Variants in GTF3C1 observed in about 807,000 individuals in gnomAD.
GTF3C1 encodes general transcription factor 3C polypeptide 1.
A neutral mutation model predicts 226.7 loss-of-function variants in GTF3C1; 57 were observed. That is an observed-to-expected ratio of 0.25 (90% CI 0.20 to 0.31). GTF3C1 has a LOEUF of 0.31. Among genes scored for constraint, GTF3C1 ranks in the 10% least tolerant of loss-of-function variants. The probability of loss-of-function intolerance (pLI) is 1.00; values close to 1 mark genes in which losing one functional copy is unlikely to be tolerated. For synonymous variants in GTF3C1, 1,090 were observed against 1,084.8 expected (o/e 1.00, Z -0.09); for missense variants, 2,217 against 2,776.1 (o/e 0.80, Z 4.53).
chr16:27,477,284 AGT>A (rs1172648854), intron 28 of GTF3C1, among the ~76,000 whole-genome samples: 2 of 152,098 alleles, frequency 1.3e-5, no homozygotes, highest in Admixed American at 1.3e-4. Context: ...ACTTCCACTT[AGT>A]GAATAGTAAA....
Position 27,545,467 on chromosome 16 carries a change from G to A in GTF3C1, c.278C>T (p.Ala93Val), listed in dbSNP as rs749911863. The A allele has an allele frequency of 1.2e-6, 2 of 1,612,488 alleles. No homozygotes were observed. The highest frequency in any genetic ancestry group is 1.1e-5 in the South Asian group (1 of 91,048). Residue 93 changes from alanine (A) to valine (V), a missense_variant, in exon 2 of 37, where the codon GCT becomes GTT. Ala to Val is a moderately conservative substitution (Grantham distance 64). Transcript: ENST00000356183. Reference protein sequence around the residue: ...GILESRRDPVALEDVYPIHMI... With the variant: ...GILESRRDPVVLEDVYPIHMI... Reference sequence around the variant, plus strand: ...ATGAATGGGGTAGACATCCTCCAAAGCCACCGGGTCCCTCCTAGACTCCAA... The same window carrying A: ...ATGAATGGGGTAGACATCCTCCAAAACCACCGGGTCCCTCCTAGACTCCAA...
At chr16:27,483,805 A>G (rs1036566015) in intron 25 of GTF3C1, among the ~76,000 whole-genome samples, 1 of 152,214 alleles carries the variant, frequency 6.6e-6, no homozygotes, top group Non-Finnish European at 1.5e-5. Context: ...GGTCCTGCCT[A>G]GCTTGCTGCT....
chr16:27,515,601 G>A (rs1328497662), intron 6 of GTF3C1, among the ~76,000 whole-genome samples: 1 of 152,130 alleles, frequency 6.6e-6, no homozygotes, highest in Non-Finnish European at 1.5e-5. Context: ...CTGAATAAAC[G>A]TTTGGAGGGA....
rs145531730 is a variant in GTF3C1, at chr16:27,501,269, G to A, written c.1983C>T (p.Arg661=). 45 of 1,614,062 alleles carry A rather than the reference G, an allele frequency of 2.8e-5. No homozygotes were observed. The African/African-American group carries it at 5.9e-4, about 21-fold the overall frequency. Residue 661 remains arginine, a synonymous_variant, in exon 12 of 37, where the codon CGC becomes CGT. Transcript: ENST00000356183. Reference sequence around the variant, plus strand: ...CTTCCTCAGACAGGTTCCGCACCAAGCGGACAATGGACTTCTTGCAGCACT... The same window carrying A: ...CTTCCTCAGACAGGTTCCGCACCAAACGGACAATGGACTTCTTGCAGCACT... ...STKCCKKSIV[R]LVRNLSEEGL... is the part of the protein sequence containing the mutation.
In GTF3C1 at chr16:27,461,766, G is replaced by A. The variant is rs367992202; in HGVS notation, c.6118-204C>T. On this transcript the variant is annotated intron_variant, in intron 36 of 36. Coordinates refer to ENST00000356183, the MANE Select transcript of GTF3C1 (RefSeq NM_001520.4). This position sits in a 1 kb window ranked among gnomAD's most constrained non-coding sequence, Gnocchi z 5.3. ...GGTGGGAGAGGCAGCTGCCTGAGCA[G>A]CACGTGTACAGCGCTGGCTGGAGCC... is the stretch of plus-strand genomic sequence containing the variant. 5.9e-5 allele frequency: 35 copies of A among 593,212 alleles called. No individual in the cohort carries two copies. In the East Asian group the frequency reaches 9.8e-4, roughly 17 times the overall value. The allele number at this position is 593,212 out of a possible 1,614,324, so 36.7% of individuals were successfully genotyped here. A position where few individuals can be genotyped will look rare whatever the true frequency, so the allele number is the denominator to read the frequency against.
rs115855890 is a variant in GTF3C1, at chr16:27,473,997, G to C, written c.4354-2077C>G. The stretch of plus-strand genomic sequence containing the variant: ...CCACATAACAGGATAGGAGCGCTCA[G>C]GCCATGTGTGGTGAGTTGGGGGGTA... On this transcript the variant is annotated intron_variant, in intron 29 of 36. Transcript: ENST00000356183. 6.8e-3 allele frequency among the ~76,000 whole-genome samples: 1,041 copies of C among 152,332 alleles called. 14 individuals are homozygous for C. The highest frequency in any genetic ancestry group is 0.024 in the African/African-American group (998 of 41,576).
chr16:27,471,421 G>C lies in GTF3C1; in HGVS notation c.4526+327C>G, dbSNP rs2141350283. ...CAGGGCTACGCGGAAGAGGGACTGA[G>C]GCTATGCTGGAACAGGAGGGTGGAC... is the stretch of plus-strand genomic sequence containing the variant. On this transcript the variant is annotated intron_variant, in intron 30 of 36. Coordinates refer to ENST00000356183, the MANE Select transcript of GTF3C1 (RefSeq NM_001520.4). This position sits in a 1 kb window ranked among gnomAD's most constrained non-coding sequence, Gnocchi z 5.0. The C allele has an allele frequency of 3.3e-6, 1 of 300,442 alleles. No homozygotes were observed. Among genetic ancestry groups the C allele is most frequent in the African/African-American group, 2.1e-5 (1 of 46,740 alleles). 18.6% of individuals were successfully genotyped at this position (300,442 alleles called of 1,614,324 possible).
At position 27,469,309 on chromosome 16, in the gene GTF3C1, C is replaced by T. The variant is rs2229355; in HGVS notation, c.5056G>A (p.Ala1686Thr). 31 of 1,569,634 alleles carry T rather than the reference C, an allele frequency of 2.0e-5. No individual in the cohort carries two copies. The highest frequency in any genetic ancestry group is 9.3e-5 in the East Asian group (4 of 42,844). The change falls in exon 32 of 37, where the codon GCC becomes ACC. Residue 1686 changes from alanine to threonine, a missense_variant. By Grantham distance (58) the Ala-to-Thr change is moderately conservative. Transcript: ENST00000356183. The surrounding 1 kb of genome is among the most constrained non-coding windows in gnomAD (Gnocchi z 4.5). Reference protein sequence around the residue: ...KFQLRCTPVPARLRPAAAPLE... With the variant: ...KFQLRCTPVPTRLRPAAAPLE... The stretch of plus-strand genomic sequence containing the variant: ...CACTCACCAGCGGGCCTGAGCCGGG[C>T]GGGCACAGGGGTGCAGCGGAGCTGG...
At chr16:27,516,134 C>A (rs1319729813) in intron 6 of GTF3C1, among the ~76,000 whole-genome samples, 1 of 152,144 alleles carries the variant, frequency 6.6e-6, no homozygotes, top group Non-Finnish European at 1.5e-5. Flanking sequence ...AGGTGGCGGG[C>A]CCCCCCTTAT....
Position 27,464,392 on chromosome 16 carries a change from C to T in GTF3C1, c.5800G>A (p.Glu1934Lys). Reference sequence around the variant, plus strand: ...TGCTCTTGGCCTGGGGAACTGAACTCACCGACACCCTCTTGGTCTTCCTGT... The same window carrying T: ...TGCTCTTGGCCTGGGGAACTGAACTTACCGACACCCTCTTGGTCTTCCTGT... ...AAQEDQEGVG[E>K]FSSPGQEQLS... Residue 1934 changes from glutamate to lysine, a missense_variant, in exon 34 of 37, where the codon GAG (glutamate) becomes AAG (lysine). This residue lies in a region of GTF3C1 where 455 missense variants were observed against 441.9 expected (regional missense o/e 1.03). Transcript: ENST00000356183. 1 of 1,597,190 alleles carries T rather than the reference C, an allele frequency of 6.3e-7. No individual in the cohort carries two copies.
At chr16:27,486,208 G>A in intron 23 of GTF3C1, 54 bp from the exon 24 acceptor site, 1 of 1,097,598 alleles carries the variant, frequency 9.1e-7, no homozygotes, top group South Asian at 1.4e-5. Flanking sequence ...GTTTGGAGCT[G>A]TCACTCTGCA....
chr16:27,533,746 G>C (rs1393980317), intron 4 of GTF3C1, among the ~76,000 whole-genome samples: 1 of 152,150 alleles, frequency 6.6e-6, no homozygotes, highest in Non-Finnish European at 1.5e-5. Context: ...GAGGGGCCGG[G>C]CAAAATCCCA....
At position 27,470,168 on chromosome 16, in the gene GTF3C1, C is replaced by T. The variant is rs748635595; in HGVS notation, c.4754G>A (p.Arg1585Lys). 1.2e-6 allele frequency: 2 copies of T among 1,614,000 alleles called. No individual in the cohort carries two copies. The highest frequency in any genetic ancestry group is 3.3e-5 in the Admixed American group (2 of 60,026). The part of the protein sequence containing the change: ...FSLGLISVDV[R>K]IPEQIIVVDS... ...TACCACGATGATCTGCTCCGGGATC[C>T]TGACATCCACAGAAATGAGGCCCAG... The change falls in exon 31 of 37, where the codon AGG becomes AAG. Residue 1585 changes from arginine to lysine, a missense_variant. Around this residue, in one of 12 missense-constraint regions of GTF3C1, gnomAD observed 546 missense variants for 663.0 expected, o/e 0.82. Transcript: ENST00000356183. The surrounding 1 kb of genome is among the most constrained non-coding windows in gnomAD (Gnocchi z 4.9).
intron 32 of GTF3C1, among the ~76,000 whole-genome samples, chr16:27,467,966 A>G (rs1302796544): frequency 6.6e-6 from 1 of 152,084 alleles, no homozygotes. Flanking sequence ...AACCTTCTGG[A>G]AAGGAGCCAC....
At chr16:27,480,187 G>A (rs969009424) in intron 27 of GTF3C1, among the ~76,000 whole-genome samples, 2 of 146,620 alleles carry the variant, frequency 1.4e-5, no homozygotes, top group African/African-American at 2.5e-5. Context: ...GGGGGCCGGG[G>A]TGAGACTCCA....
Position 27,462,032 on chromosome 16 carries a change from GAGT to G in GTF3C1, c.6117+259_6117+261del. ...GACCCGTGGGGCCCGGCGGACTCATGAGTTAGTGACCCCTGGCACAGAGAAAGC... is the reference window on the plus strand; with the variant it reads ...GACCCGTGGGGCCCGGCGGACTCATGTAGTGACCCCTGGCACAGAGAAAGC... On this transcript the variant is annotated intron_variant, in intron 36 of 36. Transcript: ENST00000356183. The surrounding 1 kb of genome is among the most constrained non-coding windows in gnomAD (Gnocchi z 4.5). 1 of 495,544 alleles carries G rather than the reference GAGT, an allele frequency of 2.0e-6. No individual in the cohort carries two copies. The highest frequency in any genetic ancestry group is 1.9e-5 in the African/African-American group (1 of 52,364). 30.7% of individuals were successfully genotyped at this position (495,544 alleles called of 1,614,324 possible). A position where few individuals can be genotyped will look rare whatever the true frequency, so the allele number is the denominator to read the frequency against.
chr16:27,461,249 C>T lies in GTF3C1; in HGVS notation c.*101G>A. ...AGCACCCGTCCCCTGCTGCAGGAGG[C>T]TCGGCAGACCCAAGGCCAGGGCACA... On this transcript the variant is annotated 3_prime_UTR_variant, in exon 37 of 37. Coordinates refer to ENST00000356183, the MANE Select transcript of GTF3C1 (RefSeq NM_001520.4). This position sits in a 1 kb window ranked among gnomAD's most constrained non-coding sequence, Gnocchi z 5.3. The T allele has an allele frequency of 1.4e-6, 1 of 704,248 alleles. No individual in the cohort carries two copies. The highest frequency in any genetic ancestry group is 1.8e-5 in the South Asian group (1 of 54,672). The allele number at this position is 704,248 out of a possible 1,614,324, so 43.6% of individuals were successfully genotyped here. A position where few individuals can be genotyped will look rare whatever the true frequency, so the allele number is the denominator to read the frequency against.
rs1024507223 is a variant in GTF3C1, at chr16:27,471,192, A to G, written c.4526+556T>C. Among the ~76,000 whole-genome samples the G allele has an allele frequency of 6.6e-6, 1 of 152,228 alleles. No homozygotes were observed. Among genetic ancestry groups the G allele is most frequent in the African/African-American group, 2.4e-5 (1 of 41,452 alleles). Reference sequence around the variant, plus strand: ...GAATGGTGTGAAGGGGAAGCCGTCAAGACGGCAGCTTAGGAATGTTCTCAG... The same window carrying G: ...GAATGGTGTGAAGGGGAAGCCGTCAGGACGGCAGCTTAGGAATGTTCTCAG... On this transcript the variant is annotated intron_variant, in intron 30 of 36. Transcript: ENST00000356183. This position sits in a 1 kb window ranked among gnomAD's most constrained non-coding sequence, Gnocchi z 5.0.
chr16:27,465,142 C>T (rs1173461321), intron 33 of GTF3C1, 118 bp downstream of exon 33: 4 of 917,340 alleles, frequency 4.4e-6, no homozygotes, highest in East Asian at 2.4e-5. Context: ...ACTAATTCAA[C>T]GTTTAAAAAG....
Sources: gnomAD v4.1 joint callset for allele counts (sites outside exome capture counted in the v4.1 genomes callset) on GRCh38, gnomAD v4.1.1 for gene constraint, gnomAD v4.1.1 regional missense constraint, Gnocchi (gnomAD v3.1) non-coding constraint, MANE v1.5 for transcripts, NCBI Gene and HGNC (gene_info 2026-07-23, HGNC 2026-07-21) for gene names.